CNTN1: variants seen among roughly 807,000 people sequenced by gnomAD.
CNTN1 encodes contactin-1.
A neutral mutation model predicts 126.4 loss-of-function variants in CNTN1; 38 were observed. The ratio of observed to expected loss-of-function variants is 0.30; its 90% CI spans 0.23 to 0.39. The LOEUF (loss-of-function observed/expected upper bound fraction) is 0.39, where lower values mean the gene tolerates loss of function less well. Among genes scored for constraint, CNTN1 ranks in the 10% least tolerant of loss-of-function variants. The probability of loss-of-function intolerance (pLI) is 1.00; values close to 1 mark genes in which losing one functional copy is unlikely to be tolerated. For synonymous variants in CNTN1, 413 were observed against 422.6 expected (o/e 0.98, Z 0.28); for missense variants, 1,009 against 1,248.4 (o/e 0.81, Z 2.89).
At chr12:41,018,868 A>G (rs1007331595) in intron 19 of CNTN1, among the ~76,000 whole-genome samples, 3 of 152,270 alleles carry the variant, frequency 2.0e-5, no homozygotes, top group South Asian at 4.1e-4. Flanking sequence ...CAGAAATATG[A>G]TAACTTGGCT....
chr12:40,987,343 C>T (rs763008414), intron 16 of CNTN1, among the ~76,000 whole-genome samples: 19 of 152,094 alleles, frequency 1.2e-4, no homozygotes, highest in Non-Finnish European at 2.2e-4. Context: ...ACTTTTAAGG[C>T]AATCTATTGT....
chr12:40,894,626 A>AT (rs943720374), intron 1 of CNTN1, among the ~76,000 whole-genome samples: 4 of 152,022 alleles, frequency 2.6e-5, no homozygotes, highest in African/African-American at 9.7e-5. Context: ...CTAGAGACCC[A>AT]TTTTTTCTCC....
At chr12:40,931,917 A>AATTT (rs1945900408) in intron 7 of CNTN1, among the ~76,000 whole-genome samples, 2 of 151,886 alleles carry the variant, frequency 1.3e-5, no homozygotes, top group Non-Finnish European at 2.9e-5. Flanking sequence ...TCTAAAATAC[A>AATTT]ATTTATATTT....
chr12:40,782,395 AAAC>A (rs1157377739), intron 1 of CNTN1, among the ~76,000 whole-genome samples: 11 of 151,976 alleles, frequency 7.2e-5, no homozygotes, highest in African/African-American at 2.4e-4. Context: ...ATAATAGTCA[AAAC>A]AACAACTTAA....
At chr12:40,776,271 G>T (rs570357170) in intron 1 of CNTN1, among the ~76,000 whole-genome samples, 15 of 151,784 alleles carry the variant, frequency 9.9e-5, no homozygotes, top group Middle Eastern at 3.4e-3. Context: ...CTCAACAAGA[G>T]TTGGACACAT....
At chr12:40,819,463 G>A (rs1941372139) in intron 1 of CNTN1, among the ~76,000 whole-genome samples, 2 of 152,300 alleles carry the variant, frequency 1.3e-5, no homozygotes, top group East Asian at 1.9e-4. Flanking sequence ...CACTCTGGCC[G>A]TATTCCACAG....
At position 40,934,089 on chromosome 12, in the gene CNTN1, G is replaced by C. The variant is rs147325714; in HGVS notation, c.985+211G>C. ...CGAACTTATTACCAGTTGAACCATAGGTAATAGCAATAGATTGATAGAAGT... is the reference window on the plus strand; with the variant it reads ...CGAACTTATTACCAGTTGAACCATACGTAATAGCAATAGATTGATAGAAGT... On this transcript the variant is annotated intron_variant, in intron 9 of 23. Transcript: ENST00000551295. 8.5e-3 allele frequency among the ~76,000 whole-genome samples: 1,290 copies of C among 152,066 alleles called. 23 individuals are homozygous for C. Among genetic ancestry groups the C allele is most frequent in the African/African-American group, 0.03 (1,251 of 41,496 alleles).
In CNTN1 at chr12:40,950,635, T is replaced by C. The variant is rs1946640282; in HGVS notation, c.1683+6465T>C. Among the ~76,000 whole-genome samples the C allele has an allele frequency of 2.0e-5, 3 of 152,340 alleles. No homozygotes were observed. The East Asian group carries it at 5.8e-4, about 29-fold the overall frequency. On this transcript the variant is annotated intron_variant, in intron 14 of 23. Coordinates refer to ENST00000551295, the MANE Select transcript of CNTN1 (RefSeq NM_001843.4). The stretch of plus-strand genomic sequence containing the variant: ...GAAAAGAGTTAATTAGATAATTCTA[T>C]CATACTTCATTCTGTATGAATATAT...
intron 22 of CNTN1, 103 bp downstream of exon 22, chr12:41,028,072 C>T: frequency 1.2e-6 from 1 of 808,304 alleles, no homozygotes. Context: ...TGCTCTGTCA[C>T]CCAGACCGGA....
intron 17 of CNTN1, among the ~76,000 whole-genome samples, chr12:40,996,442 T>G (rs2120545098): frequency 6.6e-6 from 1 of 152,328 alleles, no homozygotes; most frequent in South Asian, 2.1e-4. Context: ...TGAGTCTCAC[T>G]TTTTTCATTT....
intron 1 of CNTN1, among the ~76,000 whole-genome samples, chr12:40,723,452 G>C (rs1031667694): frequency 4.6e-5 from 7 of 152,204 alleles, no homozygotes; most frequent in African/African-American, 1.7e-4. Flanking sequence ...AATTTTTCCA[G>C]AGAGTGGAGG....
At chr12:40,796,125 GA>G (rs1017690981) in intron 1 of CNTN1, among the ~76,000 whole-genome samples, 3 of 151,934 alleles carry the variant, frequency 2.0e-5, no homozygotes, top group African/African-American at 7.2e-5. Context: ...TATTCATAAA[GA>G]AAAACATAGG....
chr12:40,969,519 G>C (rs1353035895), intron 15 of CNTN1, among the ~76,000 whole-genome samples: 1 of 152,162 alleles, frequency 6.6e-6, no homozygotes, highest in Non-Finnish European at 1.5e-5. Context: ...TTCTCTGCCA[G>C]AGTGCTTTTC....
chr12:40,708,097 A>T (rs1297090992), intron 1 of CNTN1, among the ~76,000 whole-genome samples: 1 of 152,206 alleles, frequency 6.6e-6, no homozygotes, highest in Non-Finnish European at 1.5e-5. Flanking sequence ...TAAATTTTAC[A>T]TTAAAGAGAA....
intron 1 of CNTN1, among the ~76,000 whole-genome samples, chr12:40,834,224 AAGAAG>A (rs1307245680): frequency 6.6e-6 from 1 of 152,212 alleles, no homozygotes; most frequent in Admixed American, 6.5e-5. Flanking sequence ...CCATCACTGA[AAGAAG>A]AGAACAGTAA....
chr12:41,003,573 C>A (rs1450297817), intron 17 of CNTN1, among the ~76,000 whole-genome samples: 1 of 136,002 alleles, frequency 7.4e-6, no homozygotes, highest in Non-Finnish European at 1.5e-5. Flanking sequence ...TCTATCTGGT[C>A]CTGGGCTTTT....
At chr12:41,054,582 A>G (rs1592469323) in intron 23 of CNTN1, among the ~76,000 whole-genome samples, 1 of 152,052 alleles carries the variant, frequency 6.6e-6, no homozygotes, top group African/African-American at 2.4e-5. Flanking sequence ...TTATCACAGA[A>G]CATAGCAGTT....
At chr12:40,794,053 C>T (rs372721018) in intron 1 of CNTN1, among the ~76,000 whole-genome samples, 3 of 151,922 alleles carry the variant, frequency 2.0e-5, no homozygotes, top group Non-Finnish European at 2.9e-5. Context: ...CCCAGATGTG[C>T]GTACAACCTG....
intron 15 of CNTN1, among the ~76,000 whole-genome samples, chr12:40,965,647 T>G (rs189914729): frequency 7.6e-4 from 115 of 152,272 alleles, no homozygotes; most frequent in Non-Finnish European, 9.0e-4. Flanking sequence ...GGGTTCTATT[T>G]GCATGACTAG....
Sources: gnomAD v4.1 joint callset for allele counts (sites outside exome capture counted in the v4.1 genomes callset) on GRCh38, gnomAD v4.1.1 for gene constraint, MANE v1.5 for transcripts, NCBI Gene and HGNC (gene_info 2026-07-23, HGNC 2026-07-21) for gene names.